The following RBM20 variants were observed in gnomAD, a reference collection of about 807,000 sequenced individuals.
RBM20 encodes RNA binding motif protein 20.
A neutral mutation model predicts 110.1 loss-of-function variants in RBM20; 51 were observed. That is an observed-to-expected ratio of 0.46 (90% CI 0.37 to 0.59). The LOEUF is 0.59. RBM20 is among the 20% of genes least tolerant of loss of function. RBM20 has a pLI of 0.00. For missense variants in RBM20, 1,512 were observed against 1,574.9 expected (o/e 0.96, Z 0.68); for synonymous variants, 589 against 618.2 (o/e 0.95, Z 0.70).
chr10:110,780,620 G>GTTT (rs34363441), intron 1 of RBM20, among the ~76,000 whole-genome samples, 181 bp from the exon 2 acceptor site: 2 of 140,924 alleles, frequency 1.4e-5, no homozygotes, highest in Admixed American at 7.0e-5. Flanking sequence ...TTCCATTGGA[G>GTTT]TTTTTTTTTT....
At chr10:110,759,606 G>A (rs1297533950) in intron 1 of RBM20, among the ~76,000 whole-genome samples, 1 of 152,194 alleles carries the variant, frequency 6.6e-6, no homozygotes, top group Non-Finnish European at 1.5e-5. Flanking sequence ...AGTCCCAGCA[G>A]GGGCAGAGGG....
chr10:110,717,946 A>G (rs1163035095), intron 1 of RBM20, among the ~76,000 whole-genome samples: 1 of 152,172 alleles, frequency 6.6e-6, no homozygotes, highest in African/African-American at 2.4e-5. Context: ...GAGAGAAACA[A>G]TCCCTTTTGC....
At chr10:110,767,594 G>A (rs1226561769) in intron 1 of RBM20, among the ~76,000 whole-genome samples, 2 of 149,178 alleles carry the variant, frequency 1.3e-5, no homozygotes, top group South Asian at 2.1e-4. Context: ...CAGACGGAGG[G>A]TCTCCTCGCT....
chr10:110,741,473 T>C (rs1843724700), intron 1 of RBM20, among the ~76,000 whole-genome samples: 1 of 152,172 alleles, frequency 6.6e-6, no homozygotes, highest in African/African-American at 2.4e-5. Context: ...GTTTTCCACA[T>C]GACTCCTCCA....
In RBM20 at chr10:110,697,626, C is replaced by T. The variant is rs562820265; in HGVS notation, c.191+52981C>T. ...TCACTTCTCACCACCTCCTTGGATG[C>T]CACCCATGCTGGTTGTTTCCTGGCC... On this transcript the variant is annotated intron_variant, in intron 1 of 13. Coordinates refer to ENST00000369519, the MANE Select transcript of RBM20 (RefSeq NM_001134363.3). 8.5e-5 allele frequency among the ~76,000 whole-genome samples: 13 copies of T among 152,356 alleles called. No homozygotes were observed. In the South Asian group the frequency reaches 2.7e-3, roughly 32 times the overall value.
intron 1 of RBM20, among the ~76,000 whole-genome samples, chr10:110,653,294 G>A (rs1157874219): frequency 6.6e-6 from 1 of 152,170 alleles, no homozygotes; most frequent in Non-Finnish European, 1.5e-5. Flanking sequence ...TTCAACCAAG[G>A]ATATAATTTG....
chr10:110,722,004 C>T (rs1843512556), intron 1 of RBM20, among the ~76,000 whole-genome samples: 1 of 152,114 alleles, frequency 6.6e-6, no homozygotes, highest in Admixed American at 6.5e-5. Context: ...GCTCCTTCTC[C>T]TTGTCTCTGC....
chr10:110,710,443 A>T (rs2134911067), intron 1 of RBM20, among the ~76,000 whole-genome samples: 1 of 152,262 alleles, frequency 6.6e-6, no homozygotes, highest in South Asian at 2.1e-4. Flanking sequence ...GCCCCATCTC[A>T]TGGTGCCTCC....
chr10:110,744,057 CA>C (rs1843750897), intron 1 of RBM20, among the ~76,000 whole-genome samples: 1 of 152,190 alleles, frequency 6.6e-6, no homozygotes, highest in Non-Finnish European at 1.5e-5. Context: ...AGTACAGTGA[CA>C]GGGTGGTGTC....
intron 1 of RBM20, among the ~76,000 whole-genome samples, chr10:110,752,934 TATATATATA>T (rs1439584600): frequency 6.9e-5 from 5 of 72,310 alleles, no homozygotes; most frequent in African/African-American, 2.5e-4. Context: ...TATATATATA[TATATATATA>T]TATTTTTTTT....
chr10:110,676,370 C>T (rs897114996), intron 1 of RBM20, among the ~76,000 whole-genome samples: 18 of 152,220 alleles, frequency 1.2e-4, no homozygotes, highest in African/African-American at 4.3e-4. Flanking sequence ...TCTTTTATTG[C>T]CTATAAAGTT....
chr10:110,693,511 T>C (rs1228252144), intron 1 of RBM20, among the ~76,000 whole-genome samples: 1 of 152,202 alleles, frequency 6.6e-6, no homozygotes, highest in African/African-American at 2.4e-5. Context: ...TTCTAGGCAT[T>C]CGTCCATTTC....
At position 110,782,243 on chromosome 10, in the gene RBM20, C is replaced by G. The variant is rs188103221; in HGVS notation, c.1275+359C>G. Among the ~76,000 whole-genome samples, 31 of 152,280 alleles carry G rather than the reference C, an allele frequency of 2.0e-4. 1 individual carries two copies. The highest frequency in any genetic ancestry group is 1.5e-5 in the Non-Finnish European group (1 of 68,014). On this transcript the variant is annotated intron_variant, in intron 2 of 13. Coordinates refer to ENST00000369519, the MANE Select transcript of RBM20 (RefSeq NM_001134363.3). ...CCCGTAGTATGCCTAGAATCTACTG[C>G]CCCTTGAGTACCCATATTGTAGTGA...
intron 1 of RBM20, among the ~76,000 whole-genome samples, chr10:110,775,773 A>G (rs1211781587): frequency 1.3e-5 from 2 of 152,180 alleles, no homozygotes; most frequent in Non-Finnish European, 2.9e-5. Flanking sequence ...TCTTTAAAAG[A>G]TGGTTAAATG....
chr10:110,679,592 T>C (rs954765340), intron 1 of RBM20, among the ~76,000 whole-genome samples: 8 of 152,230 alleles, frequency 5.3e-5, no homozygotes, highest in Admixed American at 3.3e-4. Flanking sequence ...TAAGCCCCTA[T>C]GTTTTGGTTT....
intron 9 of RBM20, among the ~76,000 whole-genome samples, chr10:110,816,511 C>T (rs537188634): frequency 4.6e-5 from 7 of 152,058 alleles, no homozygotes; most frequent in South Asian, 2.1e-4. Context: ...TCCCTCGCAC[C>T]GCTGCAGACC....
At position 110,780,822 on chromosome 10, in the gene RBM20, G is replaced by C; in HGVS notation, c.213G>C (p.Lys71Asn). 2.0e-6 allele frequency: 3 copies of C among 1,530,870 alleles called. No individual in the cohort carries two copies. The highest frequency in any genetic ancestry group is 2.6e-6 in the Non-Finnish European group (3 of 1,134,824). The allele number at this position is 1,530,870 out of a possible 1,614,324, so 94.8% of individuals were successfully genotyped here. The stretch of plus-strand genomic sequence containing the variant: ...ACAGTGCCGCCAAGCTCCTGGACAA[G>C]AACCCATTCTCGGTCAGTAACCCGA... ...IIQNAAKLLD[K>N]NPFSVSNPNP... Residue 71 changes from lysine (K) to asparagine (N), a missense_variant, in exon 2 of 14, where the codon AAG becomes AAC. This residue lies in a region of RBM20 where 1,149 missense variants were observed against 1,169.4 expected (regional missense o/e 0.98). Transcript: ENST00000369519.
chr10:110,834,517 C>T (rs1224602193), intron 13 of RBM20, among the ~76,000 whole-genome samples: 1 of 152,232 alleles, frequency 6.6e-6, no homozygotes, highest in Non-Finnish European at 1.5e-5. Context: ...TTCTCCAACT[C>T]ATATGGCTGG....
chr10:110,767,156 CG>C (rs1437908188), intron 1 of RBM20, among the ~76,000 whole-genome samples: 3 of 91,436 alleles, frequency 3.3e-5, no homozygotes, highest in South Asian at 3.3e-4. Flanking sequence ...GCTGGCCGGG[CG>C]GGGGGCTGAC....
Sources: allele counts gnomAD v4.1 joint callset (sites outside exome capture counted in the v4.1 genomes callset), GRCh38; gene constraint gnomAD v4.1.1; regional missense constraint gnomAD v4.1.1; transcripts MANE v1.5; gene names NCBI Gene and HGNC (gene_info 2026-07-23, HGNC 2026-07-21).